The following ASIC2 variants were observed in gnomAD, a reference collection of about 807,000 sequenced individuals.
ASIC2 encodes the protein acid-sensing ion channel 2.
In ASIC2, 25 loss-of-function variants were observed where a neutral mutation model predicts 57.3. The observed-to-expected ratio is 0.44, with a 90% CI of 0.32 to 0.61. The LOEUF is 0.61. Among genes scored for constraint, ASIC2 ranks in the 20% least tolerant of loss-of-function variants. ASIC2 has a pLI of 0.06. For synonymous variants in ASIC2, 319 were observed against 307.5 expected, an observed-to-expected ratio of 1.04 and a Z score of -0.39; for missense variants, 641 against 738.1, an observed-to-expected ratio of 0.87 and a Z score of 1.52.
chr17:33,644,954 T>TTG (rs1259877288), intron 1 of ASIC2, among the ~76,000 whole-genome samples: 7 of 152,194 alleles, frequency 4.6e-5, no homozygotes, highest in African/African-American at 1.7e-4. Context: ...AATATGTCGG[T>TTG]TGATAGATAG....
rs147169492 is a variant in ASIC2, at chr17:33,676,748, C to T, written c.555+479230G>A. 9.4e-3 allele frequency among the ~76,000 whole-genome samples: 1,438 copies of T among 152,342 alleles called. 12 individuals are homozygous for T. The highest frequency in any genetic ancestry group is 0.011 in the Non-Finnish European group (757 of 68,036). On this transcript the variant is annotated intron_variant, in intron 1 of 9. Coordinates refer to the ASIC2 transcript ENST00000359872. ...TGATGTAGAAGCTGCAGCAAGTTAT[C>T]GAGAAAATCTAGCTAAGATAATTGA...
intron 3 of ASIC2, among the ~76,000 whole-genome samples, chr17:33,075,511 C>A (rs925685883): frequency 6.6e-6 from 1 of 152,126 alleles, no homozygotes; most frequent in Non-Finnish European, 1.5e-5. Flanking sequence ...AGGAAAGGGG[C>A]GAGACAGTCT....
intron 1 of ASIC2, among the ~76,000 whole-genome samples, chr17:33,760,313 T>C (rs1298484433): frequency 6.6e-6 from 1 of 152,046 alleles, no homozygotes; most frequent in African/African-American, 2.4e-5. Flanking sequence ...ATAATGTATG[T>C]TTTTATTTTA....
chr17:33,909,900 G>T (rs900712145), intron 1 of ASIC2, among the ~76,000 whole-genome samples: 1 of 152,120 alleles, frequency 6.6e-6, no homozygotes, highest in Non-Finnish European at 1.5e-5. Context: ...TGGCTCTGGG[G>T]CCTGGCTGCT....
chr17:33,528,956 G>A (rs1914968990), intron 1 of ASIC2, among the ~76,000 whole-genome samples: 1 of 152,208 alleles, frequency 6.6e-6, no homozygotes, highest in South Asian at 2.1e-4. Context: ...GAGGAAAAGA[G>A]GACAGAGGCA....
intron 1 of ASIC2, among the ~76,000 whole-genome samples, chr17:33,423,424 T>C (rs1409165700): frequency 6.6e-6 from 1 of 152,202 alleles, no homozygotes; most frequent in Non-Finnish European, 1.5e-5. Flanking sequence ...GTAAATAATG[T>C]GTATTTCATA....
intron 1 of ASIC2, among the ~76,000 whole-genome samples, chr17:34,094,898 T>C (rs1251215740): frequency 2.0e-5 from 3 of 152,194 alleles, no homozygotes; most frequent in Non-Finnish European, 4.4e-5. Context: ...TGCTGGAATG[T>C]GCAAAGGTCC....
At chr17:33,773,521 A>G (rs1241547463) in intron 1 of ASIC2, among the ~76,000 whole-genome samples, 1 of 151,982 alleles carries the variant, frequency 6.6e-6, no homozygotes, top group African/African-American at 2.4e-5. Context: ...TCCCAGTTCT[A>G]CTTCTCTAAT....
intron 1 of ASIC2, among the ~76,000 whole-genome samples, chr17:34,020,542 CAGA>C (rs1412113901): frequency 1.5e-4 from 23 of 152,230 alleles, no homozygotes; most frequent in African/African-American, 4.6e-4. Context: ...ACCTGTCGAG[CAGA>C]AGAAGTTAGA....
At chr17:33,711,678 G>A (rs1300182624) in intron 1 of ASIC2, among the ~76,000 whole-genome samples, 2 of 152,132 alleles carry the variant, frequency 1.3e-5, no homozygotes. Context: ...AAAAGCTGAA[G>A]AGAGAGAGAG....
chr17:33,033,609 C>A (rs1458689882), intron 3 of ASIC2, among the ~76,000 whole-genome samples: 1 of 152,236 alleles, frequency 6.6e-6, no homozygotes, highest in Admixed American at 6.5e-5. Flanking sequence ...CCTGGCCTCT[C>A]TATGCTCTTG....
chr17:33,758,669 G>T (rs538571075), intron 1 of ASIC2, among the ~76,000 whole-genome samples: 2 of 152,194 alleles, frequency 1.3e-5, no homozygotes, highest in East Asian at 3.9e-4. Context: ...GGGAGCTGGT[G>T]GCAATGTAAG....
At chr17:33,937,439 C>A (rs1916092170) in intron 1 of ASIC2, among the ~76,000 whole-genome samples, 1 of 150,736 alleles carries the variant, frequency 6.6e-6, no homozygotes, top group South Asian at 2.1e-4. Context: ...TTTTTTTTTC[C>A]CCATCAGAAT....
chr17:33,161,932 G>T (rs1461990542), intron 1 of ASIC2, among the ~76,000 whole-genome samples: 1 of 148,430 alleles, frequency 6.7e-6, no homozygotes, highest in African/African-American at 2.5e-5. Context: ...TTCACCAGGG[G>T]AGAGACAGGG....
At chr17:33,422,328 C>T (rs1480700001) in intron 1 of ASIC2, among the ~76,000 whole-genome samples, 3 of 152,206 alleles carry the variant, frequency 2.0e-5, no homozygotes, top group Admixed American at 2.0e-4. Context: ...GAAGACTGCT[C>T]CTGTAGCAAC....
chr17:33,849,202 G>A lies in ASIC2; in HGVS notation c.555+306776C>T, dbSNP rs1409604650. ...AGGTGAGATCCTGTGCTGAGTCCCC[G>A]CCTGCTAGGAGCTTCTTGGTAAGAA... On this transcript the variant is annotated intron_variant, in intron 1 of 9. Transcript: ENST00000359872. Among the ~76,000 whole-genome samples the A allele has an allele frequency of 6.6e-5, 10 of 152,158 alleles. No homozygotes were observed. The East Asian group carries it at 7.7e-4, about 12-fold the overall frequency.
chr17:33,175,946 C>T (rs924640600), intron 1 of ASIC2, among the ~76,000 whole-genome samples: 1 of 152,200 alleles, frequency 6.6e-6, no homozygotes, highest in African/African-American at 2.4e-5. Flanking sequence ...ATCTGGACAT[C>T]CCTCTACAGT....
chr17:34,033,337 C>T (rs1481478573), intron 1 of ASIC2, among the ~76,000 whole-genome samples: 2 of 151,992 alleles, frequency 1.3e-5, no homozygotes, highest in African/African-American at 2.4e-5. Flanking sequence ...ACACAACATA[C>T]CAGAATCTCT....
At chr17:33,682,974 G>A (rs890362668) in intron 1 of ASIC2, among the ~76,000 whole-genome samples, 2 of 152,234 alleles carry the variant, frequency 1.3e-5, no homozygotes, top group South Asian at 4.1e-4. Context: ...TGCTAGGGCT[G>A]CAGTAGCAAG....
Sources: allele counts gnomAD v4.1 joint callset (sites outside exome capture counted in the v4.1 genomes callset), GRCh38; gene constraint gnomAD v4.1.1; transcripts MANE v1.5; gene names NCBI Gene and HGNC (gene_info 2026-07-23, HGNC 2026-07-21).